The following CA10 variants were observed in gnomAD, a reference collection of about 807,000 sequenced individuals.
The protein encoded by CA10 is carbonic anhydrase-related protein 10.
In CA10, 14 loss-of-function variants were observed where a neutral mutation model predicts 44.2. That is an observed-to-expected ratio of 0.32 (90% CI 0.21 to 0.50). CA10 has a LOEUF of 0.50. CA10 is among the 20% of genes least tolerant of loss of function. The pLI is 0.99. For missense variants in CA10, 350 were observed against 409.7 expected, an observed-to-expected ratio of 0.85 and a Z score of 1.26; for synonymous variants, 159 against 141.6, an observed-to-expected ratio of 1.12 and a Z score of -0.87.
chr17:52,135,230 C>T lies in CA10; in HGVS notation c.61+22496G>A, dbSNP rs186358948. Among the ~76,000 whole-genome samples, 21 of 152,244 alleles carry T rather than the reference C, an allele frequency of 1.4e-4. No homozygotes were observed. In the East Asian group the frequency reaches 3.1e-3, roughly 22 times the overall value. ...TAGGCTTTCCTCCCTAAGGGATAAA[C>T]AGAAACTAGCTCTTTGGAAAGACTC... On this transcript the variant is annotated intron_variant, in intron 1 of 8. Transcript: ENST00000451037.
rs185967404 is a variant in CA10, at chr17:51,781,340, C to T, written c.280-33522G>A. Among the ~76,000 whole-genome samples the T allele has an allele frequency of 1.6e-3, 241 of 152,292 alleles. 1 individual carries two copies. The highest frequency in any genetic ancestry group is 5.4e-3 in the African/African-American group (226 of 41,568). On this transcript the variant is annotated intron_variant, in intron 3 of 8. Coordinates refer to ENST00000451037, the MANE Select transcript of CA10 (RefSeq NM_020178.5). Reference sequence around the variant, plus strand: ...GTAAAATGTTGGCTGCTATTCATGGCACTTTCTCCATAATTGGGATGCATT... The same window carrying T: ...GTAAAATGTTGGCTGCTATTCATGGTACTTTCTCCATAATTGGGATGCATT...
At chr17:51,909,476 T>C (rs1261057764) in intron 3 of CA10, among the ~76,000 whole-genome samples, 1 of 152,156 alleles carries the variant, frequency 6.6e-6, no homozygotes, top group Non-Finnish European at 1.5e-5. Context: ...CTGCTCTTTT[T>C]TCGAGCTATT....
At chr17:51,909,851 C>T (rs1248777542) in intron 3 of CA10, among the ~76,000 whole-genome samples, 1 of 152,152 alleles carries the variant, frequency 6.6e-6, no homozygotes, top group Non-Finnish European at 1.5e-5. Context: ...TCTTCAACAG[C>T]CTGCCTGCCA....
rs576244422 is a variant in CA10, at chr17:51,899,692, T to TA, written c.279+31297dup. 2.6e-4 allele frequency among the ~76,000 whole-genome samples: 39 copies of TA among 152,230 alleles called. No individual in the cohort carries two copies. In the East Asian group the frequency reaches 3.9e-3, roughly 15 times the overall value. On this transcript the variant is annotated intron_variant, in intron 3 of 8. Transcript: ENST00000451037. ...GTTGTATGGTAATCTAAGTCTCTTT[T>TA]AGGTCTCTAAGAACTTGTTTTATGA...
intron 2 of CA10, among the ~76,000 whole-genome samples, chr17:52,056,077 G>A (rs1018309923): frequency 1.3e-5 from 2 of 152,002 alleles, no homozygotes; most frequent in Non-Finnish European, 1.5e-5. Flanking sequence ...AGAGGAGATG[G>A]CAGATGAAGA....
intron 2 of CA10, among the ~76,000 whole-genome samples, chr17:51,970,009 T>C (rs981536199): frequency 1.3e-5 from 2 of 151,948 alleles, no homozygotes; most frequent in African/African-American, 4.8e-5. Flanking sequence ...TGTAGAGTAA[T>C]ATAAGCTCAA....
At chr17:51,695,965 A>G (rs1255998202) in intron 4 of CA10, among the ~76,000 whole-genome samples, 1 of 152,212 alleles carries the variant, frequency 6.6e-6, no homozygotes, top group Non-Finnish European at 1.5e-5. Flanking sequence ...GGTGAATCAC[A>G]TCTATTGATT....
At chr17:52,028,491 C>G (rs1185449623) in intron 2 of CA10, among the ~76,000 whole-genome samples, 3 of 152,086 alleles carry the variant, frequency 2.0e-5, no homozygotes, top group African/African-American at 2.4e-5. Flanking sequence ...TTACTGAAAA[C>G]CTTTTAAAGG....
intron 3 of CA10, among the ~76,000 whole-genome samples, chr17:51,844,253 A>G (rs1978395949): frequency 6.6e-6 from 1 of 152,196 alleles, no homozygotes; most frequent in Non-Finnish European, 1.5e-5. Flanking sequence ...TATTGATAAA[A>G]TACTTGAAAT....
At chr17:52,080,493 TAAATA>T (rs1432671857) in intron 1 of CA10, among the ~76,000 whole-genome samples, 1 of 147,152 alleles carries the variant, frequency 6.8e-6, no homozygotes, top group Non-Finnish European at 1.5e-5. Context: ...AATAAATAAA[TAAATA>T]AATATTAAAA....
At chr17:51,716,564 G>T (rs985126248) in intron 4 of CA10, among the ~76,000 whole-genome samples, 10 of 152,254 alleles carry the variant, frequency 6.6e-5, no homozygotes, top group Admixed American at 1.3e-4. Flanking sequence ...GTTGAGCTCT[G>T]GTTGGAGTGG....
chr17:51,698,466 G>T (rs958855266), intron 4 of CA10, among the ~76,000 whole-genome samples: 2 of 152,110 alleles, frequency 1.3e-5, no homozygotes, highest in African/African-American at 2.4e-5. Context: ...TATATTTAAG[G>T]TATACAGAAT....
chr17:52,067,190 G>A (rs1370224596), intron 2 of CA10, among the ~76,000 whole-genome samples: 3 of 152,230 alleles, frequency 2.0e-5, no homozygotes, highest in Non-Finnish European at 2.9e-5. Context: ...GGAAGAGAAA[G>A]TAGTTTCCTG....
At chr17:51,760,085 T>C (rs1905178321) in intron 3 of CA10, among the ~76,000 whole-genome samples, 1 of 152,226 alleles carries the variant, frequency 6.6e-6, no homozygotes, top group Admixed American at 6.5e-5. Context: ...AGTTATTTTA[T>C]CTCCAAAGAG....
chr17:51,894,705 C>G (rs1980997542), intron 3 of CA10, among the ~76,000 whole-genome samples: 1 of 152,084 alleles, frequency 6.6e-6, no homozygotes, highest in South Asian at 2.1e-4. Context: ...ATTCTGACCT[C>G]TAAAAAATTA....
chr17:51,937,087 C>G (rs949156482), intron 2 of CA10, among the ~76,000 whole-genome samples: 1 of 152,116 alleles, frequency 6.6e-6, no homozygotes, highest in African/African-American at 2.4e-5. Context: ...ACTAAGTCCC[C>G]TACTTTTTGG....
chr17:52,110,455 T>C (rs999676331), intron 1 of CA10, among the ~76,000 whole-genome samples: 1 of 152,268 alleles, frequency 6.6e-6, no homozygotes, highest in African/African-American at 2.4e-5. Flanking sequence ...ATGACATTTA[T>C]GCAAATGGCT....
intron 2 of CA10, among the ~76,000 whole-genome samples, chr17:51,986,315 A>G (rs1984835640): frequency 6.6e-6 from 1 of 152,100 alleles, no homozygotes; most frequent in South Asian, 2.1e-4. Flanking sequence ...TAAGAGAATG[A>G]AACTGGATCC....
chr17:51,665,112 TAACAG>T (rs1268343926), intron 4 of CA10, among the ~76,000 whole-genome samples: 1 of 152,206 alleles, frequency 6.6e-6, no homozygotes, highest in Non-Finnish European at 1.5e-5. Flanking sequence ...ATCTATTAGA[TAACAG>T]AGGAGGGTTT....
Sources: gnomAD v4.1 joint callset for allele counts (sites outside exome capture counted in the v4.1 genomes callset) on GRCh38, gnomAD v4.1.1 for gene constraint, MANE v1.5 for transcripts, NCBI Gene and HGNC (gene_info 2026-07-23, HGNC 2026-07-21) for gene names.